The following TASP1 variants were observed in gnomAD, a reference collection of about 807,000 sequenced individuals.
TASP1 encodes taspase 1.
In TASP1, 16 loss-of-function variants were observed where a neutral mutation model predicts 56.6. The ratio of observed to expected loss-of-function variants is 0.28; its 90% CI spans 0.19 to 0.43. The LOEUF (loss-of-function observed/expected upper bound fraction) is 0.43. TASP1 is among the 20% of genes least tolerant of loss of function. The probability of loss-of-function intolerance (pLI) is 1.00; values close to 1 mark genes in which losing one functional copy is unlikely to be tolerated. For synonymous variants in TASP1, 179 were observed against 184.2 expected (o/e 0.97, Z 0.23); for missense variants, 393 against 511.6 (o/e 0.77, Z 2.24).
the TASP1 span, among the ~76,000 whole-genome samples, chr20:13,277,642 C>G: frequency 0.12 from 16,910 of 140,978 alleles, 1,631 homozygotes; most frequent in East Asian, 0.31. Context: ...TCCCCCCTAC[C>G]CTTTTTTTTT....
chr20:13,108,759 A>G, the TASP1 span, among the ~76,000 whole-genome samples: 1 of 152,160 alleles, frequency 6.6e-6, no homozygotes, highest in African/African-American at 2.4e-5. Context: ...TATTTTTAGT[A>G]GAGACTGGGT....
At chr20:13,528,288 A>G in intron 10 of TASP1, 145 bp downstream of exon 10, 1 of 572,670 alleles carries the variant, frequency 1.7e-6, no homozygotes, top group Non-Finnish European at 3.0e-6. Context: ...AACAACCCTT[A>G]AAACCTCGCA....
the TASP1 span, among the ~76,000 whole-genome samples, chr20:13,229,157 C>A: frequency 1.4e-5 from 2 of 143,816 alleles, no homozygotes; most frequent in African/African-American, 5.2e-5. Flanking sequence ...TCTCTTTCTG[C>A]ATTTTTTAAA....
intron 9 of TASP1, among the ~76,000 whole-genome samples, chr20:13,532,492 T>C (rs2045259140): frequency 6.6e-6 from 1 of 152,104 alleles, no homozygotes; most frequent in Non-Finnish European, 1.5e-5. Flanking sequence ...TGCATTTTCA[T>C]ATAAGCCCTT....
chr20:13,214,459 T>G, the TASP1 span, among the ~76,000 whole-genome samples: 1 of 151,074 alleles, frequency 6.6e-6, no homozygotes, highest in East Asian at 1.9e-4. Flanking sequence ...CTAGGATCAC[T>G]CCAGCAGGCT....
the TASP1 span, among the ~76,000 whole-genome samples, chr20:13,373,582 G>A: frequency 6.6e-6 from 1 of 150,998 alleles, no homozygotes; most frequent in East Asian, 1.9e-4. Flanking sequence ...TTGCTCCATT[G>A]CCTTCTGACA....
intron 4 of TASP1, among the ~76,000 whole-genome samples, chr20:13,621,128 T>C (rs1402858525): frequency 1.3e-5 from 2 of 152,130 alleles, no homozygotes; most frequent in Non-Finnish European, 2.9e-5. Context: ...ACAAATTTAA[T>C]AATTACAAGT....
chr20:13,478,675 A>G (rs1270744955), intron 11 of TASP1, among the ~76,000 whole-genome samples: 4 of 152,248 alleles, frequency 2.6e-5, no homozygotes. Flanking sequence ...CCACTACACA[A>G]TACATCCATG....
chr20:13,476,039 A>C (rs2042937230), intron 11 of TASP1, among the ~76,000 whole-genome samples: 1 of 152,172 alleles, frequency 6.6e-6, no homozygotes. Context: ...GAATCACTTG[A>C]ATCCAGGAGG....
the TASP1 span, among the ~76,000 whole-genome samples, chr20:13,257,933 G>A: frequency 6.6e-6 from 1 of 152,030 alleles, no homozygotes; most frequent in African/African-American, 2.4e-5. Flanking sequence ...GGACAGCACC[G>A]TACAGTGAAA....
chr20:13,444,917 C>T (rs575038226), intron 11 of TASP1, among the ~76,000 whole-genome samples: 37 of 152,284 alleles, frequency 2.4e-4, no homozygotes, highest in South Asian at 1.7e-3. Context: ...TCCAGCCCAG[C>T]TTATGGGTAT....
intron 12 of TASP1, among the ~76,000 whole-genome samples, chr20:13,431,198 A>G (rs1257113630): frequency 6.6e-6 from 1 of 152,028 alleles, no homozygotes; most frequent in Non-Finnish European, 1.5e-5. Context: ...TTTCCTCGTT[A>G]CTAGAAATTA....
chr20:13,523,512 A>G (rs372568079), intron 10 of TASP1, among the ~76,000 whole-genome samples: 2 of 152,304 alleles, frequency 1.3e-5, no homozygotes, highest in African/African-American at 4.8e-5. Context: ...CCACAGAGGG[A>G]CAGAGGAAGA....
rs541129081 is a variant in TASP1, at chr20:13,584,464, C to CA, written c.403+2785dup. Among the ~76,000 whole-genome samples the CA allele has an allele frequency of 2.0e-5, 3 of 152,194 alleles. No homozygotes were observed. In the South Asian group the frequency reaches 6.2e-4, roughly 32 times the overall value. On this transcript the variant is annotated intron_variant, in intron 5 of 13. Coordinates refer to ENST00000337743, the MANE Select transcript of TASP1 (RefSeq NM_017714.3). Reference sequence around the variant, plus strand: ...TACACAGAGAAATGCTAATGGCCTTCAAACACACGAAATTTTATTAAATAC... The same window carrying CA: ...TACACAGAGAAATGCTAATGGCCTTCAAAACACACGAAATTTTATTAAATAC...
intron 10 of TASP1, among the ~76,000 whole-genome samples, chr20:13,502,912 C>G (rs2043998112): frequency 6.6e-6 from 1 of 152,096 alleles, no homozygotes; most frequent in African/African-American, 2.4e-5. Context: ...AGGGATGACC[C>G]TTATCGCCCC....
the TASP1 span, among the ~76,000 whole-genome samples, chr20:13,276,263 T>C: frequency 2.0e-5 from 3 of 152,286 alleles, no homozygotes; most frequent in Middle Eastern, 3.4e-3. Context: ...CTTTCCTGAG[T>C]TTGAAGAGCA....
chr20:13,618,582 A>G (rs928410499), intron 4 of TASP1, among the ~76,000 whole-genome samples: 5 of 152,196 alleles, frequency 3.3e-5, no homozygotes, highest in African/African-American at 1.2e-4. Flanking sequence ...AGCAAGCAAT[A>G]TTTGTATTAC....
chr20:13,268,179 C>T, the TASP1 span, among the ~76,000 whole-genome samples: 1 of 150,984 alleles, frequency 6.6e-6, no homozygotes, highest in African/African-American at 2.4e-5. Flanking sequence ...CTCTCCTCTC[C>T]TCTTCTCTTC....
chr20:13,403,903 C>A (rs1398739992), intron 13 of TASP1, among the ~76,000 whole-genome samples: 1 of 151,924 alleles, frequency 6.6e-6, no homozygotes, highest in Non-Finnish European at 1.5e-5. Flanking sequence ...AAACAAAAAC[C>A]CAGATAGTCT....
Sources: allele counts gnomAD v4.1 joint callset (sites outside exome capture counted in the v4.1 genomes callset), GRCh38; gene constraint gnomAD v4.1.1; transcripts MANE v1.5; gene names NCBI Gene and HGNC (gene_info 2026-07-23, HGNC 2026-07-21).